The following ZNG1E variants were observed in gnomAD, a reference collection of about 807,000 sequenced individuals.
ZNG1E encodes the protein zinc-regulated GTPase metalloprotein activator 1E.
the ZNG1E span, among the ~76,000 whole-genome samples, chr9:65,664,255 T>C: frequency 6.6e-6 from 1 of 151,776 alleles, no homozygotes; most frequent in Non-Finnish European, 1.5e-5. Context: ...GGGATTTTTT[T>C]TGGGGGGGGT....
At chr9:65,710,531 A>G in the ZNG1E span, among the ~76,000 whole-genome samples, 2 of 152,120 alleles carry the variant, frequency 1.3e-5, no homozygotes, top group Admixed American at 6.5e-5. Context: ...TGATTTTTGT[A>G]TAAGGTGTAA....
At chr9:65,680,440 T>A in the ZNG1E span, among the ~76,000 whole-genome samples, 1 of 152,080 alleles carries the variant, frequency 6.6e-6, no homozygotes, top group East Asian at 1.9e-4. Flanking sequence ...CTATTTTCTT[T>A]ATTTTTTCCT....
the ZNG1E span, among the ~76,000 whole-genome samples, chr9:65,715,559 A>T: frequency 7.7e-6 from 1 of 130,062 alleles, no homozygotes; most frequent in Non-Finnish European, 1.6e-5. Flanking sequence ...AGAACATCTA[A>T]CATGAGATCT....
chr9:65,671,679 G>A, the ZNG1E span, among the ~76,000 whole-genome samples: 1 of 152,084 alleles, frequency 6.6e-6, no homozygotes, highest in East Asian at 1.9e-4. Flanking sequence ...GTAAGGGATA[G>A]AGCAGAGGGG....
At chr9:65,700,717 G>A in the ZNG1E span, 2 of 108,836 alleles carry the variant, frequency 1.8e-5, no homozygotes, top group East Asian at 4.1e-4. Flanking sequence ...TTCTCACTCT[G>A]CCAATCCCTG....
At chr9:65,719,258 G>C in the ZNG1E span, 1 of 138,998 alleles carries the variant, frequency 7.2e-6, no homozygotes, top group African/African-American at 3.0e-5. Context: ...CTCCCTACTA[G>C]GACCCCCCCA....
At chr9:65,707,056 G>A in the ZNG1E span, 1 of 110,198 alleles carries the variant, frequency 9.1e-6, no homozygotes, top group East Asian at 2.3e-4. Context: ...TGTCCCCCAA[G>A]TTGGAGTGCG....
chr9:65,727,339 C>A, the ZNG1E span, among the ~76,000 whole-genome samples: 13 of 147,800 alleles, frequency 8.8e-5, 1 homozygote, highest in East Asian at 7.7e-4. Flanking sequence ...ACAACAAAAA[C>A]CAAAAAAAAC....
the ZNG1E span, among the ~76,000 whole-genome samples, chr9:65,666,945 C>G: frequency 1.3e-5 from 2 of 152,220 alleles, no homozygotes; most frequent in Admixed American, 6.5e-5. Context: ...CTCAGCCTCC[C>G]GAGTAGCTGG....
chr9:65,720,697 GGT>G, the ZNG1E span, among the ~76,000 whole-genome samples: 2 of 145,188 alleles, frequency 1.4e-5, no homozygotes, highest in African/African-American at 5.2e-5. Context: ...AACCCTGAGG[GGT>G]GGAGTGGGGG....
At chr9:65,662,153 G>T in the ZNG1E span, among the ~76,000 whole-genome samples, 1 of 152,372 alleles carries the variant, frequency 6.6e-6, no homozygotes, top group African/African-American at 2.4e-5. Context: ...TCAACTTGTA[G>T]TATCCCTGCC....
chr9:65,686,465 T>C, the ZNG1E span, among the ~76,000 whole-genome samples: 1 of 152,222 alleles, frequency 6.6e-6, no homozygotes, highest in Non-Finnish European at 1.5e-5. Context: ...TGAAACCCCA[T>C]CTCGACTAAA....
the ZNG1E span, among the ~76,000 whole-genome samples, chr9:65,689,626 TAA>T: frequency 6.2e-5 from 8 of 128,020 alleles, no homozygotes; most frequent in Non-Finnish European, 9.9e-5. Context: ...CATTTCAACT[TAA>T]GAGGCAAATA....
the ZNG1E span, among the ~76,000 whole-genome samples, chr9:65,678,488 T>C: frequency 7.0e-6 from 1 of 143,880 alleles, no homozygotes; most frequent in Non-Finnish European, 1.5e-5. Flanking sequence ...ATGTAAAAGT[T>C]TTTAGCAGCA....
At chr9:65,684,540 ACACACGCACG>A in the ZNG1E span, among the ~76,000 whole-genome samples, 1 of 141,710 alleles carries the variant, frequency 7.1e-6, no homozygotes, top group African/African-American at 2.8e-5. Flanking sequence ...GTATACACAC[ACACACGCACG>A]CACACACACA....
At chr9:65,701,860 G>GT in the ZNG1E span, among the ~76,000 whole-genome samples, 1 of 131,342 alleles carries the variant, frequency 7.6e-6, no homozygotes, top group Non-Finnish European at 1.6e-5. Flanking sequence ...TTTAGCAAAC[G>GT]TTTTTGGCAT....
At chr9:65,681,035 G>A in the ZNG1E span, among the ~76,000 whole-genome samples, 1,290 of 152,068 alleles carry the variant, frequency 8.5e-3, no homozygotes, top group African/African-American at 0.029. Context: ...TGATCCGCCC[G>A]CCTTGGCCTC....
At chr9:65,710,636 C>G in the ZNG1E span, among the ~76,000 whole-genome samples, 1 of 152,018 alleles carries the variant, frequency 6.6e-6, no homozygotes, top group Non-Finnish European at 1.5e-5. Context: ...GCTTGTTTTT[C>G]TCAGGTTTGT....
At chr9:65,708,294 C>T in the ZNG1E span, 1 of 146,640 alleles carries the variant, frequency 6.8e-6, no homozygotes, top group Non-Finnish European at 1.5e-5. Context: ...TGATTTGAAT[C>T]ATTGGATTCA....
Sources: gnomAD v4.1 joint callset for allele counts (sites outside exome capture counted in the v4.1 genomes callset) on GRCh38, gnomAD v4.1.1 for gene constraint, MANE v1.5 for transcripts, NCBI Gene and HGNC (gene_info 2026-07-23, HGNC 2026-07-21) for gene names.